The following MACROD2 variants were observed in gnomAD, a reference collection of about 807,000 sequenced individuals.
MACROD2 encodes mono-ADP ribosylhydrolase 2, also known as ADP-ribose glycohydrolase MACROD2.
In MACROD2, 36 loss-of-function variants were observed where a neutral mutation model predicts 70.4. That is an observed-to-expected ratio of 0.51 (90% confidence interval 0.39 to 0.68). MACROD2 has a LOEUF of 0.68. MACROD2 is among the 30% of genes least tolerant of loss of function. The pLI, the probability that MACROD2 is intolerant of heterozygous loss-of-function variation, is 0.00. For synonymous variants in MACROD2, 172 were observed against 178.8 expected (o/e 0.96, Z 0.30); for missense variants, 496 against 538.4 (o/e 0.92, Z 0.78).
chr20:14,388,697 A>G (rs1305744621), intron 3 of MACROD2, among the ~76,000 whole-genome samples: 4 of 152,094 alleles, frequency 2.6e-5, no homozygotes, highest in African/African-American at 9.7e-5. Context: ...ACCTCAATCT[A>G]TGGCACATCT....
intron 6 of MACROD2, among the ~76,000 whole-genome samples, chr20:15,237,284 A>G (rs1040114955): frequency 1.1e-4 from 17 of 152,202 alleles, no homozygotes; most frequent in African/African-American, 3.6e-4. Flanking sequence ...TGAGAAAATT[A>G]TGCTACAGAT....
intron 8 of MACROD2, among the ~76,000 whole-genome samples, chr20:15,779,976 A>C (rs928474398): frequency 6.6e-6 from 1 of 152,146 alleles, no homozygotes; most frequent in Admixed American, 6.5e-5. Context: ...ATATCAGAGC[A>C]TGGTTAGCAC....
At chr20:14,889,184 G>C (rs1369054923) in intron 5 of MACROD2, among the ~76,000 whole-genome samples, 1 of 152,052 alleles carries the variant, frequency 6.6e-6, no homozygotes, top group African/African-American at 2.4e-5. Context: ...TATGTTCCTT[G>C]CCTTATTTTG....
chr20:14,815,074 A>C (rs888559506), intron 5 of MACROD2, among the ~76,000 whole-genome samples: 6 of 152,070 alleles, frequency 3.9e-5, no homozygotes, highest in Non-Finnish European at 5.9e-5. Context: ...ATTGCAGAAC[A>C]CTGGGGCCTC....
intron 5 of MACROD2, among the ~76,000 whole-genome samples, chr20:15,187,878 A>G (rs2076543974): frequency 6.6e-6 from 1 of 152,138 alleles, no homozygotes; most frequent in African/African-American, 2.4e-5. Flanking sequence ...TCATTTTTAA[A>G]AATTGTTTCA....
intron 3 of MACROD2, among the ~76,000 whole-genome samples, chr20:14,344,013 AT>A (rs968108237): frequency 1.3e-5 from 2 of 151,582 alleles, no homozygotes; most frequent in African/African-American, 2.4e-5. Context: ...AAATTGTCAG[AT>A]TTTTTTTTCT....
chr20:15,880,345 A>G (rs973450849), intron 9 of MACROD2, among the ~76,000 whole-genome samples: 1 of 151,896 alleles, frequency 6.6e-6, no homozygotes, highest in Non-Finnish European at 1.5e-5. Context: ...GTTTTTACAG[A>G]TGTTTTTCCC....
chr20:14,149,325 G>A (rs2054984980), intron 3 of MACROD2, among the ~76,000 whole-genome samples: 2 of 151,906 alleles, frequency 1.3e-5, no homozygotes, highest in Admixed American at 6.6e-5. Flanking sequence ...TTCAAAGAAC[G>A]TGATTTCATT....
At position 15,300,926 on chromosome 20, in the gene MACROD2, C is replaced by T. The variant is rs536431329; in HGVS notation, c.540+70865C>T. Among the ~76,000 whole-genome samples the T allele has an allele frequency of 2.6e-5, 4 of 152,280 alleles. No individual in the cohort carries two copies. The East Asian group carries it at 7.7e-4, about 29-fold the overall frequency. Reference sequence around the variant, plus strand: ...GCTGTTCCTTGTCCTTTGATTTCCCCCGTCTCAGCTAGTTAGTTTCTTGAG... The same window carrying T: ...GCTGTTCCTTGTCCTTTGATTTCCCTCGTCTCAGCTAGTTAGTTTCTTGAG... On this transcript the variant is annotated intron_variant, in intron 6 of 17. Coordinates refer to ENST00000684519, the MANE Select transcript of MACROD2 (RefSeq NM_001351661.2).
rs1274859734 is a variant in MACROD2 at position 14,522,709 on chromosome 20, T to G, written c.301+29201T>G. On this transcript the variant is annotated intron_variant, in intron 4 of 17. Transcript: ENST00000684519. The stretch of plus-strand genomic sequence containing the variant: ...TTGACTCAGGTTGCCAGTCATTAAT[T>G]TCCTTGTATGGAATTAAGGAGATCT... Among the ~76,000 whole-genome samples the G allele has an allele frequency of 2.0e-5, 3 of 152,222 alleles. No homozygotes were observed. In the South Asian group the frequency reaches 6.2e-4, roughly 31 times the overall value.
At chr20:15,507,258 TCA>T (rs1408414454) in intron 8 of MACROD2, among the ~76,000 whole-genome samples, 1 of 151,884 alleles carries the variant, frequency 6.6e-6, no homozygotes. Context: ...TCTTTCTCTC[TCA>T]CTCTCCTTTC....
intron 6 of MACROD2, among the ~76,000 whole-genome samples, chr20:15,405,140 TGAG>T (rs936636110): frequency 6.6e-5 from 10 of 151,786 alleles, no homozygotes; most frequent in Non-Finnish European, 8.8e-5. Context: ...CAGGGGGTAA[TGAG>T]GAGCGACTGC....
intron 3 of MACROD2, among the ~76,000 whole-genome samples, chr20:14,170,801 G>T (rs2081213806): frequency 6.6e-6 from 1 of 152,104 alleles, no homozygotes; most frequent in South Asian, 2.1e-4. Context: ...TTGGGCCTTA[G>T]TTTTCCTTTT....
intron 5 of MACROD2, among the ~76,000 whole-genome samples, chr20:14,766,875 AGTAT>A (rs2072097307): frequency 6.6e-6 from 1 of 152,140 alleles, no homozygotes; most frequent in South Asian, 2.1e-4. Flanking sequence ...CTCTATTCCA[AGTAT>A]TGGCTTAAAC....
At chr20:15,714,707 TA>T (rs2050681706) in intron 8 of MACROD2, among the ~76,000 whole-genome samples, 2 of 152,198 alleles carry the variant, frequency 1.3e-5, no homozygotes, top group Admixed American at 1.3e-4. Context: ...ATATACTTTT[TA>T]AAAATTTTTA....
intron 4 of MACROD2, among the ~76,000 whole-genome samples, chr20:14,533,397 A>T (rs1026115168): frequency 1.3e-5 from 2 of 152,240 alleles, no homozygotes; most frequent in African/African-American, 4.8e-5. Context: ...TTGACAAGCT[A>T]TAAGAAGCAC....
At chr20:15,268,908 A>G (rs865803156) in intron 6 of MACROD2, among the ~76,000 whole-genome samples, 5 of 152,340 alleles carry the variant, frequency 3.3e-5, no homozygotes, top group Middle Eastern at 6.8e-3. Context: ...TTTGGGGAAT[A>G]TGAAGCAGCC....
At chr20:15,894,642 T>A (rs2064941750) in intron 10 of MACROD2, among the ~76,000 whole-genome samples, 1 of 152,230 alleles carries the variant, frequency 6.6e-6, no homozygotes, top group Non-Finnish European at 1.5e-5. Context: ...AAAGGAGGAA[T>A]ATTTCCTACT....
intron 2 of MACROD2, among the ~76,000 whole-genome samples, chr20:14,083,087 A>G (rs1167693477): frequency 6.6e-6 from 1 of 150,798 alleles, no homozygotes; most frequent in Non-Finnish European, 1.5e-5. Context: ...ATGAATGCTG[A>G]ATATGGATGC....
Sources: allele counts gnomAD v4.1 joint callset (sites outside exome capture counted in the v4.1 genomes callset), GRCh38; gene constraint gnomAD v4.1.1; transcripts MANE v1.5; gene names NCBI Gene and HGNC (gene_info 2026-07-23, HGNC 2026-07-21).